The following CHRNA4 variants were observed in gnomAD, a reference collection of about 807,000 sequenced individuals.
CHRNA4 encodes neuronal acetylcholine receptor subunit alpha-4.
In CHRNA4, 28 loss-of-function variants were observed where a neutral mutation model predicts 48.9. The ratio of observed to expected loss-of-function variants is 0.57; its 90% CI spans 0.42 to 0.79. The LOEUF (loss-of-function observed/expected upper bound fraction) is 0.79. Among genes scored for constraint, CHRNA4 ranks in the 30% least tolerant of loss-of-function variants. CHRNA4 has a pLI of 0.00. For missense variants in CHRNA4, 859 were observed against 898.4 expected, an observed-to-expected ratio of 0.96 and a Z score of 0.56; for synonymous variants, 425 against 402.3, an observed-to-expected ratio of 1.06 and a Z score of -0.68.
rs942904686 is a variant in CHRNA4, at chr20:63,344,172, G to A, written c.*2566C>T. ...AGCTACGGACACACACAACAGCACGGATGAAGCTCTAAGTCATAGGATGAA... is the reference window on the plus strand; with the variant it reads ...AGCTACGGACACACACAACAGCACGAATGAAGCTCTAAGTCATAGGATGAA... On this transcript the variant is annotated 3_prime_UTR_variant, in exon 6 of 6. Transcript: ENST00000370263. The surrounding 1 kb of genome is among the most constrained non-coding windows in gnomAD (Gnocchi z 4.5). The A allele has an allele frequency of 4.4e-6, 2 of 453,994 alleles. No individual in the cohort carries two copies. Among genetic ancestry groups the A allele is most frequent in the African/African-American group, 4.0e-5 (2 of 49,968 alleles). 28.1% of individuals were successfully genotyped at this position (453,994 alleles called of 1,614,324 possible). A position where few individuals can be genotyped will look rare whatever the true frequency, so the allele number is the denominator to read the frequency against.
chr20:63,356,424 C>A lies in CHRNA4; in HGVS notation c.229-9G>T. 6.3e-7 allele frequency: 1 copy of A among 1,599,776 alleles called. No individual in the cohort carries two copies. On this transcript the variant is annotated splice_polypyrimidine_tract_variant and intron_variant, in intron 2 of 5. Coordinates refer to ENST00000370263, the MANE Select transcript of CHRNA4 (RefSeq NM_000744.7). ...ATCTGGTTCTTCTCATCCTAGGGCACCGAGAGAGGAAGGGGGCCAGTGACC... is the reference window on the plus strand; with the variant it reads ...ATCTGGTTCTTCTCATCCTAGGGCAACGAGAGAGGAAGGGGGCCAGTGACC...
intron 5 of CHRNA4, among the ~76,000 whole-genome samples, chr20:63,349,104 G>T (rs977766195): frequency 2.4e-4 from 37 of 152,166 alleles, no homozygotes; most frequent in African/African-American, 8.7e-4. Flanking sequence ...CAGCTTGGCC[G>T]TGTGGGGCTG....
chr20:63,353,874 G>T (rs1291573551), intron 4 of CHRNA4, among the ~76,000 whole-genome samples: 3 of 49,470 alleles, frequency 6.1e-5, no homozygotes, highest in Admixed American at 2.1e-4. Context: ...GTTCTGGGGG[G>T]ACTGTGGTCC....
rs1366715805 is a variant in CHRNA4, at chr20:63,343,392, G to A, written c.*3346C>T. The A allele has an allele frequency of 6.6e-6, 3 of 454,158 alleles. No individual in the cohort carries two copies. Among genetic ancestry groups the A allele is most frequent in the East Asian group, 1.4e-4 (2 of 14,396 alleles). 28.1% of individuals were successfully genotyped at this position (454,158 alleles called of 1,614,324 possible). A position where few individuals can be genotyped will look rare whatever the true frequency, so the allele number is the denominator to read the frequency against. On this transcript the variant is annotated 3_prime_UTR_variant, in exon 6 of 6. Coordinates refer to ENST00000370263, the MANE Select transcript of CHRNA4 (RefSeq NM_000744.7). Reference sequence around the variant, plus strand: ...GGCCGGGCTTGCATCCCCAGGTGCTGTGTGTGCTGCGCCTGATCCAGCATT... The same window carrying A: ...GGCCGGGCTTGCATCCCCAGGTGCTATGTGTGCTGCGCCTGATCCAGCATT...
At chr20:63,351,056 G>C in intron 4 of CHRNA4, 29 bp from the exon 5 acceptor site, 1 of 1,601,016 alleles carries the variant, frequency 6.2e-7, no homozygotes, top group Admixed American at 1.7e-5. Flanking sequence ...AAGGGTGTGA[G>C]ACCCCCACAT....
chr20:63,349,669 T>C lies in CHRNA4; in HGVS notation c.1742A>G (p.Glu581Gly), dbSNP rs767165466. 9 of 1,612,688 alleles carry C rather than the reference T, an allele frequency of 5.6e-6. No homozygotes were observed. In the Admixed American group the frequency reaches 8.3e-5, roughly 15 times the overall value. ...GGGACTTACCGAGAAGTCTGTGTCT[T>C]CGGCCTTCAGGTGGTCTGCAATGTA... is the stretch of plus-strand genomic sequence containing the variant. ...VQYIADHLKA[E>G]DTDFSVKEDW... The change falls in exon 5 of 6, where the codon GAA (glutamate) becomes GGA (glycine). Residue 581 changes from glutamate (E) to glycine (G), a missense_variant. Coordinates refer to ENST00000370263, the MANE Select transcript of CHRNA4 (RefSeq NM_000744.7).
intron 4 of CHRNA4, among the ~76,000 whole-genome samples, chr20:63,352,832 C>CCAGCCCCCCGGTCCCA (rs2068636168): frequency 6.6e-6 from 1 of 151,584 alleles, no homozygotes; most frequent in Admixed American, 6.6e-5. Context: ...GCCAGGTCCC[C>CCAGCCCCCCGGTCCCA]CAGCCCCCAG....
chr20:63,359,526 C>CAT (rs1568819434), intron 2 of CHRNA4, 22 bp downstream of exon 2: 2 of 1,612,364 alleles, frequency 1.2e-6, no homozygotes, highest in African/African-American at 1.3e-5. Flanking sequence ...TCACAGTGCA[C>CAT]GATGGCCACG....
In CHRNA4 at chr20:63,343,531, C is replaced by G. The variant is rs918263318; in HGVS notation, c.*3207G>C. On this transcript the variant is annotated 3_prime_UTR_variant, in exon 6 of 6. Transcript: ENST00000370263. ...GCTGCGTGCCCTAGAGTGTCCTGGG[C>G]CCGGCCTTAACTTACAAGGGAGCCT... 2.2e-6 allele frequency: 1 copy of G among 454,162 alleles called. No homozygotes were observed. Among genetic ancestry groups the G allele is most frequent in the African/African-American group, 2.0e-5 (1 of 50,144 alleles). The allele number at this position is 454,162 out of a possible 1,614,324, so 28.1% of individuals were successfully genotyped here. A position where few individuals can be genotyped will look rare whatever the true frequency, so the allele number is the denominator to read the frequency against.
At chr20:63,348,435 G>A (rs956869103) in intron 5 of CHRNA4, among the ~76,000 whole-genome samples, 2 of 152,248 alleles carry the variant, frequency 1.3e-5, no homozygotes, top group Non-Finnish European at 2.9e-5. Context: ...TGGGGTGGCT[G>A]TGTGGGGCGA....
chr20:63,351,603 G>A (rs1221525753), intron 4 of CHRNA4, among the ~76,000 whole-genome samples: 1 of 152,298 alleles, frequency 6.6e-6, no homozygotes, highest in South Asian at 2.1e-4. Context: ...CAAGGACTTG[G>A]AGGCCACCTC....
chr20:63,351,997 G>A (rs1222499974), intron 4 of CHRNA4, among the ~76,000 whole-genome samples: 1 of 152,204 alleles, frequency 6.6e-6, no homozygotes, highest in African/African-American at 2.4e-5. Context: ...CCACCAATGG[G>A]AAGCCTGAGG....
intron 4 of CHRNA4, among the ~76,000 whole-genome samples, chr20:63,351,691 G>A (rs1405942268): frequency 6.6e-6 from 1 of 152,240 alleles, no homozygotes; most frequent in African/African-American, 2.4e-5. Flanking sequence ...CAATGCAGTG[G>A]GGCTGCATAC....
Position 63,350,031 on chromosome 20 carries a change from C to A in CHRNA4, c.1380G>T (p.Leu460=). 1 of 1,520,920 alleles carries A rather than the reference C, an allele frequency of 6.6e-7. No individual in the cohort carries two copies. The highest frequency in any genetic ancestry group is 8.8e-7 in the Non-Finnish European group (1 of 1,133,960). The allele number at this position is 1,520,920 out of a possible 1,614,324, so 94.2% of individuals were successfully genotyped here. ...GGACGCTGAGGGACCTGGCTTTGGC[C>A]AGCCCTGGTGCCTGGGTGCCGTGGG... is the stretch of plus-strand genomic sequence containing the variant. ...RPPHGTQAPG[L]AKARSLSVQH... Residue 460 remains leucine (L), a synonymous_variant, in exon 5 of 6, where the codon CTG becomes CTT. Coordinates refer to ENST00000370263, the MANE Select transcript of CHRNA4 (RefSeq NM_000744.7).
At position 63,344,297 on chromosome 20, in the gene CHRNA4, G is replaced by GGGAGGGACGCCGACAGGAAGGGCT; in HGVS notation, c.*2417_*2440dup. 1 of 454,096 alleles carries GGGAGGGACGCCGACAGGAAGGGCT rather than the reference G, an allele frequency of 2.2e-6. No individual in the cohort carries two copies. Among genetic ancestry groups the GGGAGGGACGCCGACAGGAAGGGCT allele is most frequent in the South Asian group, 1.6e-5 (1 of 64,472 alleles). 28.1% of individuals were successfully genotyped at this position (454,096 alleles called of 1,614,324 possible). On this transcript the variant is annotated 3_prime_UTR_variant, in exon 6 of 6. Coordinates refer to ENST00000370263, the MANE Select transcript of CHRNA4 (RefSeq NM_000744.7). This position sits in a 1 kb window ranked among gnomAD's most constrained non-coding sequence, Gnocchi z 4.5. ...GGTGCTTAAGTCAGAGCCACAGATG[G>GGGAGGGACGCCGACAGGAAGGGCT]GGAGGGACGCCGACAGGAAGGGCTG...
intron 1 of CHRNA4, 83 bp downstream of exon 1, chr20:63,361,007 G>A (rs2068810661): frequency 1.8e-5 from 21 of 1,158,560 alleles, no homozygotes; most frequent in Non-Finnish European, 2.3e-5. Context: ...CCGCAGTCAG[G>A]AGCCTGCCTC....
chr20:63,344,550 A>T lies in CHRNA4; in HGVS notation c.*2188T>A, dbSNP rs1037416646. On this transcript the variant is annotated 3_prime_UTR_variant, in exon 6 of 6. Transcript: ENST00000370263. The surrounding 1 kb of genome is among the most constrained non-coding windows in gnomAD (Gnocchi z 4.5). The stretch of plus-strand genomic sequence containing the variant: ...CCCCAGGCAAGCGGCCACCCCCGGC[A>T]GGAGGGTCCCCCGGCAGGAGCGTCC... The T allele has an allele frequency of 2.2e-6, 1 of 451,908 alleles. No individual in the cohort carries two copies. The highest frequency in any genetic ancestry group is 2.0e-5 in the African/African-American group (1 of 49,448). The allele number at this position is 451,908 out of a possible 1,614,324, so 28.0% of individuals were successfully genotyped here.
At chr20:63,354,010 G>C (rs1280401025) in intron 4 of CHRNA4, among the ~76,000 whole-genome samples, 1 of 100,528 alleles carries the variant, frequency 9.9e-6, no homozygotes. Flanking sequence ...TGGCGGGGGG[G>C]CTGCGGTCCT....
Position 63,359,715 on chromosome 20 carries a change from G to A in CHRNA4, c.77-16C>T. On this transcript the variant is annotated splice_polypyrimidine_tract_variant and intron_variant, in intron 1 of 5. Coordinates refer to ENST00000370263, the MANE Select transcript of CHRNA4 (RefSeq NM_000744.7). ...TGGCTGCTGGCTGCGGGGAGAGGCA[G>A]GCCAGTGGCTCAGGTGCAGGCGGGA... The A allele has an allele frequency of 6.2e-7, 1 of 1,609,556 alleles. No homozygotes were observed. Among genetic ancestry groups the A allele is most frequent in the South Asian group, 1.1e-5 (1 of 90,966 alleles).
Sources: allele counts gnomAD v4.1 joint callset (sites outside exome capture counted in the v4.1 genomes callset), GRCh38; gene constraint gnomAD v4.1.1; non-coding constraint Gnocchi (gnomAD v3.1); transcripts MANE v1.5; gene names NCBI Gene and HGNC (gene_info 2026-07-23, HGNC 2026-07-21).